The following CLK2 variants were observed in gnomAD, a reference collection of about 807,000 sequenced individuals.
CLK2 encodes CDC like kinase 2, also known as dual specificity protein kinase CLK2.
Under a neutral mutation model 73.5 loss-of-function variants are expected in CLK2, and 12 were observed. The observed-to-expected ratio is 0.16, with a 90% CI of 0.10 to 0.26. The LOEUF (loss-of-function observed/expected upper bound fraction) is 0.26, where lower values mean the gene tolerates loss of function less well. CLK2 is among the 10% of genes least tolerant of loss of function. The pLI is 1.00. For synonymous variants in CLK2, 232 were observed against 237.9 expected, an observed-to-expected ratio of 0.98 and a Z score of 0.23; for missense variants, 509 against 688.4, an observed-to-expected ratio of 0.74 and a Z score of 2.92.
Position 155,269,548 on chromosome 1 carries a change from G to A in CLK2, c.339C>T (p.Ser113=), listed in dbSNP as rs1199726635. The change falls in exon 3 of 13, where the codon AGC becomes AGT. Residue 113 remains serine (S), a synonymous_variant. Transcript: ENST00000368361. ...RENSSYRSQR[S]SRRKHRRRRR... ...TCCGCCGTCTGTGCTTCCTCCGGCTGCTGCGCTGGCTGCGGTAACTGCTGT... is the reference window on the plus strand; with the variant it reads ...TCCGCCGTCTGTGCTTCCTCCGGCTACTGCGCTGGCTGCGGTAACTGCTGT... The A allele has an allele frequency of 2.5e-6, 4 of 1,614,152 alleles. No individual in the cohort carries two copies. The African/African-American group carries it at 4.0e-5, about 16-fold the overall frequency.
intron 6 of CLK2, among the ~76,000 whole-genome samples, 191 bp downstream of exon 6, chr1:155,267,819 G>T (rs1673303165): frequency 6.6e-6 from 1 of 152,114 alleles, no homozygotes; most frequent in Middle Eastern, 3.2e-3. Context: ...AAAACAAGGG[G>T]AGTGGATTAA....
chr1:155,265,763 G>A (rs930519947), intron 8 of CLK2, 97 bp downstream of exon 8: 2 of 834,162 alleles, frequency 2.4e-6, no homozygotes, highest in East Asian at 2.5e-5. Context: ...AAATGTGGGA[G>A]GACGAAATAA....
chr1:155,264,008 T>C lies in CLK2; in HGVS notation c.1259A>G (p.Asp420Gly). The change falls in exon 12 of 13, where the codon GAT becomes GGT. Residue 420 changes from aspartate (D) to glycine (G), a missense_variant. By Grantham distance (94) the Asp-to-Gly change is moderately conservative (BLOSUM62 -1). Coordinates refer to ENST00000368361, the MANE Select transcript of CLK2 (RefSeq NM_001294338.2). ...KQKYFYRGRL[D>G]WDENTSAGRY... ...CCCAGCTGATGTGTTCTCATCCCAA[T>C]CCAGGCGACCCCGGTAAAAATATTT... The C allele has an allele frequency of 6.2e-7, 1 of 1,614,064 alleles. No homozygotes were observed.
chr1:155,269,199 C>A, intron 3 of CLK2: 1 of 586,192 alleles, frequency 1.7e-6, no homozygotes, highest in Non-Finnish European at 3.0e-6. Flanking sequence ...AAGCAAGGTC[C>A]CCATTAAAGA....
At chr1:155,263,731 T>A in intron 12 of CLK2, 2 of 985,408 alleles carry the variant, frequency 2.0e-6, no homozygotes, top group Non-Finnish European at 2.4e-6. Context: ...GGACATTGCT[T>A]TGATCTCTGG....
chr1:155,265,352 A>C (rs371474130), intron 8 of CLK2, among the ~76,000 whole-genome samples: 6 of 152,144 alleles, frequency 3.9e-5, no homozygotes, highest in African/African-American at 1.4e-4. Context: ...AGATCACCTG[A>C]GGTTAGGGGT....
intron 12 of CLK2, 160 bp from the exon 13 acceptor site, chr1:155,263,560 T>C (rs1242622034): frequency 1.5e-5 from 15 of 985,312 alleles, no homozygotes; most frequent in South Asian, 4.7e-5. Flanking sequence ...TCTGATATTA[T>C]AGCTCAACCT....
At chr1:155,266,037 G>A in intron 7 of CLK2, 83 bp from the exon 8 acceptor site, 1 of 896,354 alleles carries the variant, frequency 1.1e-6, no homozygotes, top group Non-Finnish European at 1.9e-6. Flanking sequence ...TGGTTACCTA[G>A]GGCAAAGCCA....
rs1673342704 is a variant in CLK2 at position 155,268,667 on chromosome 1, G to T, written c.487+41C>A. The stretch of plus-strand genomic sequence containing the variant: ...GCTTGGGACGTTAGGATGGCTATGG[G>T]ACCATTACAGGCTATAGGATTGTTA... On this transcript the variant is annotated intron_variant, in intron 4 of 12. Transcript: ENST00000368361. This position sits in a 1 kb window ranked among gnomAD's most constrained non-coding sequence, Gnocchi z 5.6. 6.4e-7 allele frequency: 1 copy of T among 1,559,594 alleles called. No homozygotes were observed. Among genetic ancestry groups the T allele is most frequent in the Non-Finnish European group, 8.8e-7 (1 of 1,130,376 alleles).
Position 155,268,053 on chromosome 1 carries a change from T to C in CLK2, c.628A>G (p.Asn210Asp), listed in dbSNP as rs1355390646. 1 of 1,614,158 alleles carries C rather than the reference T, an allele frequency of 6.2e-7. No homozygotes were observed. Among genetic ancestry groups the C allele is most frequent in the African/African-American group, 1.3e-5 (1 of 75,046 alleles). Residue 210 changes from asparagine to aspartate, a missense_variant, in exon 6 of 13, where the codon AAC (asparagine) becomes GAC (aspartate). Around this residue, in one of 6 missense-constraint regions of CLK2, gnomAD observed 76 missense variants for 126.4 expected, o/e 0.60. Transcript: ENST00000368361. The surrounding 1 kb of genome is among the most constrained non-coding windows in gnomAD (Gnocchi z 5.6). ...KYKEAARLEI[N>D]VLEKINEKDP... ...TTCTCATTGATTTTCTCTAGCACGT[T>C]GATCTCAAGTCGAGCTGCTTCCTTG...
In CLK2 at chr1:155,268,986, T is replaced by G; in HGVS notation, c.400-191A>C. ...CGGTGTGAGAAGAGAGAGCGGCGCATAATCCCAAGTCCCCAAACCCAAAAC... is the reference window on the plus strand; with the variant it reads ...CGGTGTGAGAAGAGAGAGCGGCGCAGAATCCCAAGTCCCCAAACCCAAAAC... On this transcript the variant is annotated intron_variant, in intron 3 of 12. Transcript: ENST00000368361. The surrounding 1 kb of genome is among the most constrained non-coding windows in gnomAD (Gnocchi z 5.6). The G allele has an allele frequency of 1.6e-6, 1 of 613,724 alleles. No homozygotes were observed. Among genetic ancestry groups the G allele is most frequent in the Non-Finnish European group, 2.9e-6 (1 of 342,358 alleles). The allele number at this position is 613,724 out of a possible 1,614,324, so 38.0% of individuals were successfully genotyped here. A position where few individuals can be genotyped will look rare whatever the true frequency, so the allele number is the denominator to read the frequency against.
In CLK2 at chr1:155,268,732, C is replaced by T. The variant is rs368035965; in HGVS notation, c.463G>A (p.Val155Ile). The T allele has an allele frequency of 5.0e-6, 8 of 1,613,638 alleles. No individual in the cohort carries two copies. Among genetic ancestry groups the T allele is most frequent in the African/African-American group, 1.3e-5 (1 of 74,912 alleles). The change falls in exon 4 of 13, where the codon GTC becomes ATC. Residue 155 changes from valine (V) to isoleucine (I), a missense_variant. By Grantham distance (29) the Val-to-Ile change is conservative (BLOSUM62 3). Coordinates refer to ENST00000368361, the MANE Select transcript of CLK2 (RefSeq NM_001294338.2). The surrounding 1 kb of genome is among the most constrained non-coding windows in gnomAD (Gnocchi z 5.6). ...DDAEGHLIYHVGDWLQERYEI... is the reference protein window; with the variant it reads ...DDAEGHLIYHIGDWLQERYEI... ...CATCGCTCTTGTAGCCAGTCCCCGA[C>T]GTGGTAGATGAGGTGGCCCTCAGCG...
chr1:155,267,452 G>A (rs986250823), intron 6 of CLK2, among the ~76,000 whole-genome samples: 1 of 152,188 alleles, frequency 6.6e-6, no homozygotes, highest in African/African-American at 2.4e-5. Context: ...CTGAAGAGCT[G>A]TGGAGTGCCA....
Position 155,268,789 on chromosome 1 carries a change from T to C in CLK2, c.406A>G (p.Ser136Gly), listed in dbSNP as rs1395411616. 2.7e-6 allele frequency: 4 copies of C among 1,492,170 alleles called. No homozygotes were observed. Among genetic ancestry groups the C allele is most frequent in the African/African-American group, 1.4e-5 (1 of 69,120 alleles). 92.4% of individuals were successfully genotyped at this position (1,492,170 alleles called of 1,614,324 possible). Residue 136 changes from serine to glycine, a missense_variant, in exon 4 of 13, where the codon AGC (serine) becomes GGC (glycine). Transcript: ENST00000368361. The surrounding 1 kb of genome is among the most constrained non-coding windows in gnomAD (Gnocchi z 5.6). ...RTFSRSSSQH[S>G]SRRAKSVEDD... The stretch of plus-strand genomic sequence containing the variant: ...TCTACACTCTTGGCTCTCCGGCTGC[T>C]GTGCTGCTGTCGGGGGGCAGGGGGG...
intron 7 of CLK2, 118 bp from the exon 8 acceptor site, chr1:155,266,072 T>C: frequency 2.8e-6 from 2 of 726,014 alleles, no homozygotes; most frequent in South Asian, 1.4e-5. Context: ...CCAGAATCAC[T>C]AGGGCTGCTT....
In CLK2 at chr1:155,264,258, A is replaced by G. The variant is rs1673126225; in HGVS notation, c.1189T>C (p.Leu397=). Residue 397 remains leucine, a synonymous_variant, in exon 11 of 13, where the codon TTG becomes CTG. Transcript: ENST00000368361. ...REHLAMMERI[L]GPIPSRMIRK... ...ATCATCCGGGAAGGGATAGGACCCA[A>G]GATCCTTTCCATCATGGCTAGATGC... The G allele has an allele frequency of 6.2e-7, 1 of 1,614,098 alleles. No individual in the cohort carries two copies. The highest frequency in any genetic ancestry group is 1.7e-5 in the Admixed American group (1 of 60,014).
chr1:155,263,380 T>G lies in CLK2; in HGVS notation c.1338A>C (p.Ala446=). 6.2e-7 allele frequency: 1 copy of G among 1,614,106 alleles called. No homozygotes were observed. Among genetic ancestry groups the G allele is most frequent in the Middle Eastern group, 1.6e-4 (1 of 6,062 alleles). The stretch of plus-strand genomic sequence containing the variant: ...GATCGAAGAGCTGGTGGTGTTCCTC[T>G]GCCTCTGAGGTCAGATACCGCTGGT... ...KPLRRYLTSE[A]EEHHQLFDLI... The change falls in exon 13 of 13, where the codon GCA becomes GCC. Residue 446 remains alanine, a synonymous_variant. Coordinates refer to ENST00000368361, the MANE Select transcript of CLK2 (RefSeq NM_001294338.2).
chr1:155,271,073 C>T, intron 1 of CLK2, 96 bp from the exon 2 acceptor site: 3 of 1,259,838 alleles, frequency 2.4e-6, no homozygotes, highest in Non-Finnish European at 2.3e-6. Flanking sequence ...CTGCTTTCCC[C>T]TCTTATTTCT....
intron 6 of CLK2, among the ~76,000 whole-genome samples, chr1:155,267,801 C>G (rs1673302637): frequency 6.6e-6 from 1 of 152,196 alleles, no homozygotes; most frequent in Admixed American, 6.5e-5. Flanking sequence ...AGCAATCTAA[C>G]TTCCCTGAAA....
Sources: gnomAD v4.1 joint callset for allele counts (sites outside exome capture counted in the v4.1 genomes callset) on GRCh38, gnomAD v4.1.1 for gene constraint, gnomAD v4.1.1 regional missense constraint, Gnocchi (gnomAD v3.1) non-coding constraint, MANE v1.5 for transcripts, NCBI Gene and HGNC (gene_info 2026-07-23, HGNC 2026-07-21) for gene names.